Variants in VPS13D observed in about 807,000 individuals in gnomAD.
VPS13D encodes the protein intermembrane lipid transfer protein VPS13D.
Under a neutral mutation model 461.9 loss-of-function variants are expected in VPS13D, and 187 were observed. The observed-to-expected ratio is 0.40, with a 90% CI of 0.36 to 0.46. VPS13D has a LOEUF of 0.46. Among genes scored for constraint, VPS13D ranks in the 20% least tolerant of loss-of-function variants. The pLI is 0.60. For missense variants in VPS13D, 4,711 were observed against 5,364.9 expected (o/e 0.88, Z 3.81); for synonymous variants, 1,951 against 1,986.3 (o/e 0.98, Z 0.47).
chr1:12,367,553 AATTTATTTATTT>A lies in VPS13D; in HGVS notation c.10449-890_10449-879del, dbSNP rs202235716. ...CTTATTACATTGGTGGTTGCGATGA[AATTTATTTATTT>A]ATTTATTTATTTATTTATTTATTTT... On this transcript the variant is annotated intron_variant, in intron 52 of 69. Transcript: ENST00000620676. The A allele has an allele frequency of 1.7e-4, 26 of 148,966 alleles. 1 individual carries two copies. The East Asian group carries it at 2.9e-3, about 17-fold the overall frequency. The allele number at this position is 148,966 out of a possible 1,614,324, so 9.2% of individuals were successfully genotyped here. A position where few individuals can be genotyped will look rare whatever the true frequency, so the allele number is the denominator to read the frequency against.
intron 65 of VPS13D, among the ~76,000 whole-genome samples, chr1:12,419,656 G>A (rs1265882541): frequency 6.6e-6 from 1 of 152,002 alleles, no homozygotes; most frequent in East Asian, 1.9e-4. Context: ...AACACCAAGG[G>A]GATGGTACTA....
intron 67 of VPS13D, among the ~76,000 whole-genome samples, chr1:12,469,978 C>A (rs529897055): frequency 6.6e-6 from 1 of 152,190 alleles, no homozygotes; most frequent in Non-Finnish European, 1.5e-5. Context: ...ACTTTCTCCC[C>A]TAGCAAAGTT....
intron 5 of VPS13D, among the ~76,000 whole-genome samples, chr1:12,247,115 C>T (rs1036096833): frequency 2.0e-5 from 3 of 152,182 alleles, no homozygotes; most frequent in Non-Finnish European, 4.4e-5. Context: ...CATTTTGTTT[C>T]TCCATATCCT....
At chr1:12,259,443 G>A (rs1197486191) in intron 10 of VPS13D, among the ~76,000 whole-genome samples, 1 of 151,696 alleles carries the variant, frequency 6.6e-6, no homozygotes, top group Admixed American at 6.6e-5. Flanking sequence ...AGCCTCCTGA[G>A]TAGCTGCACG....
chr1:12,307,637 C>T (rs188734494), intron 26 of VPS13D, among the ~76,000 whole-genome samples: 6 of 152,074 alleles, frequency 3.9e-5, no homozygotes, highest in South Asian at 2.1e-4. Flanking sequence ...TGGATTTGGG[C>T]GCCCAACACC....
Position 12,277,883 on chromosome 1 carries a change from A to G in VPS13D, c.4295A>G (p.Tyr1432Cys), listed in dbSNP as rs145747127. The G allele has an allele frequency of 4.3e-6, 7 of 1,614,034 alleles. No homozygotes were observed. The highest frequency in any genetic ancestry group is 1.7e-5 in the Admixed American group (1 of 60,000). ...LQVEIKDIKLYSLNCTQLAGR... is the reference protein window; with the variant it reads ...LQVEIKDIKLCSLNCTQLAGR... The stretch of plus-strand genomic sequence containing the variant: ...GTGGAAATCAAGGACATTAAACTGT[A>G]TTCTTTGAATTGCACCCAGTTGGCA... The change falls in exon 19 of 70, where the codon TAT (tyrosine) becomes TGT (cysteine). Residue 1432 changes from tyrosine to cysteine, a missense_variant. Transcript: ENST00000620676.
chr1:12,318,419 T>C (rs1414484838), intron 31 of VPS13D, 82 bp downstream of exon 31: 4 of 1,510,404 alleles, frequency 2.6e-6, no homozygotes, highest in Non-Finnish European at 3.6e-6. Flanking sequence ...ATTGCTCTTT[T>C]GCCTCCCATT....
intron 65 of VPS13D, among the ~76,000 whole-genome samples, chr1:12,428,092 T>A (rs1644944595): frequency 6.6e-6 from 1 of 152,212 alleles, no homozygotes; most frequent in Admixed American, 6.5e-5. Context: ...TGTCAGGACA[T>A]TACATTAAGT....
intron 18 of VPS13D, among the ~76,000 whole-genome samples, chr1:12,274,590 G>A (rs941346549): frequency 4.6e-5 from 7 of 152,222 alleles, no homozygotes; most frequent in African/African-American, 1.7e-4. Context: ...GGGATTGCAG[G>A]TGTGAGCCAC....
In VPS13D at chr1:12,328,016, AC is replaced by A. The variant is rs1370887591; in HGVS notation, c.8197+163del. Reference sequence around the variant, plus strand: ...TTTTCATTATGTATGTTTTAAAGAAACTTTTATTTGCCATATGTGGCCTTCA... The same window carrying A: ...TTTTCATTATGTATGTTTTAAAGAAATTTTATTTGCCATATGTGGCCTTCA... On this transcript the variant is annotated intron_variant, in intron 36 of 69. Coordinates refer to ENST00000620676, the MANE Select transcript of VPS13D (RefSeq NM_015378.4). Among the ~76,000 whole-genome samples the A allele has an allele frequency of 3.9e-5, 6 of 152,158 alleles. No homozygotes were observed. In the South Asian group the frequency reaches 1.2e-3, roughly 32 times the overall value.
At chr1:12,329,128 AT>A (rs1643266007) in intron 36 of VPS13D, among the ~76,000 whole-genome samples, 1 of 152,188 alleles carries the variant, frequency 6.6e-6, no homozygotes, top group African/African-American at 2.4e-5. Context: ...CAATCTTAAC[AT>A]TTTGAGCTAA....
chr1:12,426,365 A>T (rs1225903062), intron 65 of VPS13D, among the ~76,000 whole-genome samples: 1 of 152,198 alleles, frequency 6.6e-6, no homozygotes, highest in East Asian at 1.9e-4. Context: ...CTATGTGTTA[A>T]GTTGTAATTT....
chr1:12,479,035 C>A (rs531018302), intron 67 of VPS13D, among the ~76,000 whole-genome samples: 1 of 152,324 alleles, frequency 6.6e-6, no homozygotes, highest in African/African-American at 2.4e-5. Context: ...CACGGAGTGG[C>A]CTGTGAGCCC....
intron 42 of VPS13D, 89 bp from the exon 43 acceptor site, chr1:12,345,285 T>A (rs1022508461): frequency 2.0e-5 from 29 of 1,451,806 alleles, no homozygotes; most frequent in Middle Eastern, 4.1e-4. Flanking sequence ...TTACATCATA[T>A]GTACTAAATC....
At chr1:12,322,421 T>C in intron 33 of VPS13D, 115 bp from the exon 34 acceptor site, 1 of 973,342 alleles carries the variant, frequency 1.0e-6, no homozygotes, top group East Asian at 2.6e-5. Context: ...ATGAGAAATT[T>C]GGTGCAGTAT....
intron 34 of VPS13D, among the ~76,000 whole-genome samples, chr1:12,323,196 A>T (rs915803439): frequency 5.3e-5 from 8 of 152,026 alleles, no homozygotes; most frequent in Admixed American, 1.3e-4. Context: ...CAGCCTCCTG[A>T]GTAGCTGGGA....
intron 63 of VPS13D, among the ~76,000 whole-genome samples, chr1:12,408,600 A>G (rs1023190434): frequency 2.6e-5 from 4 of 152,154 alleles, no homozygotes; most frequent in Non-Finnish European, 5.9e-5. Context: ...CCTGGGCTCA[A>G]GTTATCTGCC....
chr1:12,341,193 T>C (rs755439135), intron 40 of VPS13D, among the ~76,000 whole-genome samples: 2 of 152,232 alleles, frequency 1.3e-5, no homozygotes, highest in Non-Finnish European at 2.9e-5. Context: ...ATGGTGGTGG[T>C]ATCTATGTTT....
At chr1:12,265,058 C>T (rs745698684) in intron 13 of VPS13D, among the ~76,000 whole-genome samples, 2 of 152,036 alleles carry the variant, frequency 1.3e-5, no homozygotes, top group African/African-American at 4.8e-5. Flanking sequence ...TGGATGATGC[C>T]AGTACATCTG....
Sources: gnomAD v4.1 joint callset for allele counts (sites outside exome capture counted in the v4.1 genomes callset) on GRCh38, gnomAD v4.1.1 for gene constraint, MANE v1.5 for transcripts, NCBI Gene and HGNC (gene_info 2026-07-23, HGNC 2026-07-21) for gene names.